Variants in PCOLCE observed in about 807,000 individuals in gnomAD.
PCOLCE encodes the protein procollagen C-endopeptidase enhancer 1.
A neutral mutation model predicts 47.2 loss-of-function variants in PCOLCE; 33 were observed. The ratio of observed to expected loss-of-function variants is 0.70; its 90% confidence interval spans 0.53 to 0.93. The LOEUF is 0.93. Ranked by LOEUF, PCOLCE falls within the 40% of genes least tolerant of loss-of-function variation. The pLI, the probability that PCOLCE is intolerant of heterozygous loss-of-function variation, is 0.00. For synonymous variants in PCOLCE, 254 were observed against 252.5 expected (o/e 1.01, Z -0.06); for missense variants, 584 against 585.3 (o/e 1.00, Z 0.02).
At position 100,605,821 on chromosome 7, in the gene PCOLCE, C is replaced by T. The variant is rs1439920076; in HGVS notation, c.725+9C>T. ...GGCGACGCAGTCCCGGGGTGAGGGGCGGGACCTGGGCGAGTCCGGGAGAGA... is the reference window on the plus strand; with the variant it reads ...GGCGACGCAGTCCCGGGGTGAGGGGTGGGACCTGGGCGAGTCCGGGAGAGA... On this transcript the variant is annotated intron_variant, in intron 5 of 8. Transcript: ENST00000223061. This position sits in a 1 kb window ranked among gnomAD's most constrained non-coding sequence, Gnocchi z 6.1. The T allele has an allele frequency of 6.4e-7, 1 of 1,550,638 alleles. No individual in the cohort carries two copies. The highest frequency in any genetic ancestry group is 8.7e-7 in the Non-Finnish European group (1 of 1,146,820).
rs1802699084 is a variant in PCOLCE, at chr7:100,605,560, G to A, written c.589-116G>A. On this transcript the variant is annotated intron_variant, in intron 4 of 8. Coordinates refer to ENST00000223061, the MANE Select transcript of PCOLCE (RefSeq NM_002593.4). The surrounding 1 kb of genome is among the most constrained non-coding windows in gnomAD (Gnocchi z 6.1). ...TGTGGTGTGAACGCCTTCAGGAGGG[G>A]GGCCCAGAGGACGCGGGAGGTGGGA... 4 of 1,294,332 alleles carry A rather than the reference G, an allele frequency of 3.1e-6. No individual in the cohort carries two copies. Among genetic ancestry groups the A allele is most frequent in the Admixed American group, 2.3e-5 (1 of 44,414 alleles). The allele number at this position is 1,294,332 out of a possible 1,614,324, so 80.2% of individuals were successfully genotyped here. A position where few individuals can be genotyped will look rare whatever the true frequency, so the allele number is the denominator to read the frequency against.
intron 2 of PCOLCE, 130 bp from the exon 3 acceptor site, chr7:100,603,829 T>C: frequency 3.9e-6 from 4 of 1,038,770 alleles, no homozygotes. Context: ...CCCTCTGCTC[T>C]GCACTCACAT....
chr7:100,606,386 C>T lies in PCOLCE; in HGVS notation c.726-30C>T, dbSNP rs372141338. 5.1e-6 allele frequency: 8 copies of T among 1,560,444 alleles called. No homozygotes were observed. In the African/African-American group the frequency reaches 8.1e-5, roughly 16 times the overall value. ...AGTGTGGTGCACGCCCGCCCTGACA[C>T]TTCCCCCAATGCTCGGTGGCCACCT... On this transcript the variant is annotated intron_variant, in intron 5 of 8. Coordinates refer to ENST00000223061, the MANE Select transcript of PCOLCE (RefSeq NM_002593.4).
Position 100,605,738 on chromosome 7 carries a change from G to A in PCOLCE, c.651G>A (p.Ser217=), listed in dbSNP as rs1233609234. The change falls in exon 5 of 9, where the codon TCG becomes TCA. Residue 217 remains serine, a synonymous_variant. Transcript: ENST00000223061. The surrounding 1 kb of genome is among the most constrained non-coding windows in gnomAD (Gnocchi z 6.1). ...LEPDTYCRYD[S]VSVFNGAVSD... ...CGGACACCTACTGCCGCTATGACTC[G>A]GTCAGCGTGTTCAACGGAGCCGTGA... 6.4e-7 allele frequency: 1 copy of A among 1,569,668 alleles called. No homozygotes were observed. The highest frequency in any genetic ancestry group is 8.6e-7 in the Non-Finnish European group (1 of 1,157,462).
chr7:100,607,535 C>T lies in PCOLCE; in HGVS notation c.1012+12C>T, dbSNP rs372067732. 1.9e-6 allele frequency: 3 copies of T among 1,613,720 alleles called. No individual in the cohort carries two copies. The highest frequency in any genetic ancestry group is 4.5e-5 in the East Asian group (2 of 44,866). ...TGCCAGCAGCCTTGGTAAGAATACC[C>T]CCAACCCCATTCCAGCTCCTCGAAC... On this transcript the variant is annotated intron_variant, in intron 7 of 8. Coordinates refer to ENST00000223061, the MANE Select transcript of PCOLCE (RefSeq NM_002593.4).
chr7:100,605,197 C>G lies in PCOLCE; in HGVS notation c.570C>G (p.Ile190Met), dbSNP rs764707706. 4.3e-6 allele frequency: 7 copies of G among 1,612,390 alleles called. No individual in the cohort carries two copies. The highest frequency in any genetic ancestry group is 5.9e-6 in the Non-Finnish European group (7 of 1,179,338). ...YPPGISCSWH[I>M]IAPPDQVIAL... The stretch of plus-strand genomic sequence containing the variant: ...CGGGCATCAGCTGTTCCTGGCACAT[C>G]ATCGCGCCCCCGGACCAGGTACCGA... Residue 190 changes from isoleucine to methionine, a missense_variant, in exon 4 of 9, where the codon ATC becomes ATG. Ile to Met is a conservative substitution (Grantham distance 10). Coordinates refer to ENST00000223061, the MANE Select transcript of PCOLCE (RefSeq NM_002593.4). The surrounding 1 kb of genome is among the most constrained non-coding windows in gnomAD (Gnocchi z 6.1).
In PCOLCE at chr7:100,604,450, G is replaced by A; in HGVS notation, c.463+233G>A. On this transcript the variant is annotated intron_variant, in intron 3 of 8. Transcript: ENST00000223061. The surrounding 1 kb of genome is among the most constrained non-coding windows in gnomAD (Gnocchi z 6.4). The stretch of plus-strand genomic sequence containing the variant: ...CAGGGCCCCCCCCAGGCGCGAGGCG[G>A]AAATGGGTCACCGACCCGCGGGTGG... 1 of 625,036 alleles carries A rather than the reference G, an allele frequency of 1.6e-6. No homozygotes were observed. 38.7% of individuals were successfully genotyped at this position (625,036 alleles called of 1,614,324 possible).
Position 100,605,822 on chromosome 7 carries a change from G to T in PCOLCE, c.725+10G>T. ...GCGACGCAGTCCCGGGGTGAGGGGC[G>T]GGACCTGGGCGAGTCCGGGAGAGAG... On this transcript the variant is annotated intron_variant, in intron 5 of 8. Transcript: ENST00000223061. This position sits in a 1 kb window ranked among gnomAD's most constrained non-coding sequence, Gnocchi z 6.1. 6.4e-7 allele frequency: 1 copy of T among 1,550,820 alleles called. No homozygotes were observed. Among genetic ancestry groups the T allele is most frequent in the Admixed American group, 2.0e-5 (1 of 50,998 alleles).
intron 2 of PCOLCE, 77 bp downstream of exon 2, chr7:100,603,615 C>G (rs535402947): frequency 3.5e-4 from 225 of 638,188 alleles, no homozygotes; most frequent in Admixed American, 2.0e-3. Flanking sequence ...GGACCCCCCC[C>G]CCGTCCCCCC....
chr7:100,603,032 C>G (rs974726881), intron 1 of PCOLCE: 1 of 242,658 alleles, frequency 4.1e-6, no homozygotes. Flanking sequence ...CTCCCTCCAT[C>G]TCTCCACCCC....
chr7:100,603,634 C>A, intron 2 of PCOLCE, 96 bp downstream of exon 2: 2 of 613,896 alleles, frequency 3.3e-6, no homozygotes, highest in South Asian at 2.0e-5. Flanking sequence ...CCCGCACCAC[C>A]TTCTCAACCT....
chr7:100,603,597 C>A, intron 2 of PCOLCE, 59 bp downstream of exon 2: 1 of 790,404 alleles, frequency 1.3e-6, no homozygotes, highest in Non-Finnish European at 2.1e-6. Context: ...AAAGGCCTGA[C>A]TGCGAAGGGA....
chr7:100,604,258 C>A lies in PCOLCE; in HGVS notation c.463+41C>A. 8 of 1,541,734 alleles carry A rather than the reference C, an allele frequency of 5.2e-6. No homozygotes were observed. Among genetic ancestry groups the A allele is most frequent in the Non-Finnish European group, 7.0e-6 (8 of 1,143,698 alleles). ...CCTCCGCCTTCCCCCCCTCCAGGCC[C>A]CGCCCCGGCCGCAGCCCCGCCCCCA... On this transcript the variant is annotated intron_variant, in intron 3 of 8. Transcript: ENST00000223061. This position sits in a 1 kb window ranked among gnomAD's most constrained non-coding sequence, Gnocchi z 6.4.
At position 100,604,901 on chromosome 7, in the gene PCOLCE, T is replaced by A; in HGVS notation, c.464-190T>A. 1.9e-6 allele frequency: 1 copy of A among 531,830 alleles called. No homozygotes were observed. Among genetic ancestry groups the A allele is most frequent in the East Asian group, 3.1e-5 (1 of 32,026 alleles). 32.9% of individuals were successfully genotyped at this position (531,830 alleles called of 1,614,324 possible). A position where few individuals can be genotyped will look rare whatever the true frequency, so the allele number is the denominator to read the frequency against. On this transcript the variant is annotated intron_variant, in intron 3 of 8. Transcript: ENST00000223061. The surrounding 1 kb of genome is among the most constrained non-coding windows in gnomAD (Gnocchi z 6.4). ...GCCAGTGCGCCCTGCGGCCCCAGAC[T>A]TCCCCGAGCCGCGCTCCTCCCGGCC... is the stretch of plus-strand genomic sequence containing the variant.
chr7:100,605,249 A>G lies in PCOLCE; in HGVS notation c.588+34A>G. Reference sequence around the variant, plus strand: ...CCTCCTCCCCGGGCTGCCCTAGGGGACCCAGGCGGCGCCCTCCAGCTTGCA... The same window carrying G: ...CCTCCTCCCCGGGCTGCCCTAGGGGGCCCAGGCGGCGCCCTCCAGCTTGCA... On this transcript the variant is annotated intron_variant, in intron 4 of 8. Transcript: ENST00000223061. The surrounding 1 kb of genome is among the most constrained non-coding windows in gnomAD (Gnocchi z 6.1). 6.3e-7 allele frequency: 1 copy of G among 1,586,228 alleles called. No homozygotes were observed.
chr7:100,603,994 A>G lies in PCOLCE; in HGVS notation c.240A>G (p.Arg80=), dbSNP rs1802661258. The change falls in exon 3 of 9, where the codon CGA becomes CGG. Residue 80 remains arginine, a synonymous_variant. Coordinates refer to ENST00000223061, the MANE Select transcript of PCOLCE (RefSeq NM_002593.4). ...PEGQTVSLSF[R]VFDLELHPAC... is the part of the protein sequence containing the mutation. Reference sequence around the variant, plus strand: ...GCCAGACTGTGTCCCTCTCATTCCGAGTCTTCGACCTGGAGCTGCACCCCG... The same window carrying G: ...GCCAGACTGTGTCCCTCTCATTCCGGGTCTTCGACCTGGAGCTGCACCCCG... 1.2e-6 allele frequency: 2 copies of G among 1,603,396 alleles called. No individual in the cohort carries two copies. Among genetic ancestry groups the G allele is most frequent in the Non-Finnish European group, 1.7e-6 (2 of 1,179,916 alleles).
chr7:100,603,322 C>T, intron 1 of PCOLCE, 108 bp from the exon 2 acceptor site: 2 of 627,066 alleles, frequency 3.2e-6, no homozygotes, highest in Non-Finnish European at 2.8e-6. Context: ...ATTTCATCCC[C>T]CAGCTTCCCT....
Position 100,604,850 on chromosome 7 carries a change from A to G in PCOLCE, c.464-241A>G. The G allele has an allele frequency of 2.0e-6, 1 of 510,150 alleles. No homozygotes were observed. Among genetic ancestry groups the G allele is most frequent in the Non-Finnish European group, 3.5e-6 (1 of 284,358 alleles). 31.6% of individuals were successfully genotyped at this position (510,150 alleles called of 1,614,324 possible). On this transcript the variant is annotated intron_variant, in intron 3 of 8. Transcript: ENST00000223061. This position sits in a 1 kb window ranked among gnomAD's most constrained non-coding sequence, Gnocchi z 6.4. ...AGGGGCCAGAAGGGGGCGTCCAGCC[A>G]GTTCCTCCTCCCGCTTCCACCGCCC...
At position 100,605,431 on chromosome 7, in the gene PCOLCE, T is replaced by C. The variant is rs1802696548; in HGVS notation, c.588+216T>C. 2 of 655,464 alleles carry C rather than the reference T, an allele frequency of 3.1e-6. No individual in the cohort carries two copies. The highest frequency in any genetic ancestry group is 2.0e-5 in the South Asian group (1 of 51,118). 40.6% of individuals were successfully genotyped at this position (655,464 alleles called of 1,614,324 possible). A position where few individuals can be genotyped will look rare whatever the true frequency, so the allele number is the denominator to read the frequency against. ...GAGAGCGAGGTACAGGGTCCTGGTATAACACGCGGGCCTGTCACTTGTGAG... is the reference window on the plus strand; with the variant it reads ...GAGAGCGAGGTACAGGGTCCTGGTACAACACGCGGGCCTGTCACTTGTGAG... On this transcript the variant is annotated intron_variant, in intron 4 of 8. Transcript: ENST00000223061. This position sits in a 1 kb window ranked among gnomAD's most constrained non-coding sequence, Gnocchi z 6.1.
Sources: allele counts gnomAD v4.1 joint callset, GRCh38; gene constraint gnomAD v4.1.1; non-coding constraint Gnocchi (gnomAD v3.1); transcripts MANE v1.5; gene names NCBI Gene and HGNC (gene_info 2026-07-23, HGNC 2026-07-21).